IGF2R: variants seen among roughly 807,000 people sequenced by gnomAD.
The protein encoded by IGF2R is cation-independent mannose-6-phosphate receptor.
In IGF2R, 91 loss-of-function variants were observed where a neutral mutation model predicts 270.6. The observed-to-expected ratio is 0.34, with a 90% CI of 0.28 to 0.40. The LOEUF (loss-of-function observed/expected upper bound fraction) is 0.40. Among genes scored for constraint, IGF2R ranks in the 10% least tolerant of loss-of-function variants. The probability of loss-of-function intolerance (pLI) is 1.00; values close to 1 mark genes in which losing one functional copy is unlikely to be tolerated. For missense variants in IGF2R, 2,805 were observed against 3,188.3 expected (o/e 0.88, Z 2.90); for synonymous variants, 1,316 against 1,258.9 (o/e 1.05, Z -0.96).
intron 1 of IGF2R, among the ~76,000 whole-genome samples, chr6:159,987,168 T>G (rs1783900663): frequency 6.6e-6 from 1 of 152,218 alleles, no homozygotes; most frequent in Non-Finnish European, 1.5e-5. Flanking sequence ...TTCAAACATG[T>G]GATTTCTTAA....
At chr6:160,007,962 A>G (rs1784271177) in intron 2 of IGF2R, among the ~76,000 whole-genome samples, 1 of 152,210 alleles carries the variant, frequency 6.6e-6, no homozygotes, top group South Asian at 2.1e-4. Context: ...TCTTTAATCC[A>G]TTTAGACAGG....
intron 19 of IGF2R, among the ~76,000 whole-genome samples, chr6:160,055,192 G>A (rs1778285429): frequency 6.6e-6 from 1 of 152,140 alleles, no homozygotes; most frequent in South Asian, 2.1e-4. Flanking sequence ...ACGGGGAGAT[G>A]CCTAGGTTGC....
At chr6:160,025,415 TTTTAGTGTTCTTC>T (rs1445307210) in intron 5 of IGF2R, among the ~76,000 whole-genome samples, 2 of 152,190 alleles carry the variant, frequency 1.3e-5, no homozygotes, top group African/African-American at 4.8e-5. Flanking sequence ...TAAAGGTCAT[TTTTAGTGTTCTTC>T]TTTGTTTTTT....
chr6:159,992,443 A>G (rs1307489458), intron 2 of IGF2R, among the ~76,000 whole-genome samples: 2 of 152,046 alleles, frequency 1.3e-5, no homozygotes, highest in African/African-American at 4.8e-5. Context: ...TTTAGTTTCT[A>G]CTTATAAGTG....
Position 160,044,383 on chromosome 6 carries a change from C to T in IGF2R, c.1622-131C>T, listed in dbSNP as rs530951907. ...GTGGGTTCAGGGGGCTGGAGAAGGG[C>T]TGCACGTGCTGGGTTTGGGCTGATT... On this transcript the variant is annotated intron_variant, in intron 12 of 47. Transcript: ENST00000356956. 4 of 820,582 alleles carry T rather than the reference C, an allele frequency of 4.9e-6. No individual in the cohort carries two copies. The East Asian group carries it at 8.0e-5, about 16-fold the overall frequency. The allele number at this position is 820,582 out of a possible 1,614,324, so 50.8% of individuals were successfully genotyped here.
At position 160,058,925 on chromosome 6, in the gene IGF2R, T is replaced by C. The variant is rs747467060; in HGVS notation, c.2918T>C (p.Met973Thr). The C allele has an allele frequency of 6.2e-7, 1 of 1,614,040 alleles. No individual in the cohort carries two copies. Among genetic ancestry groups the C allele is most frequent in the African/African-American group, 1.3e-5 (1 of 74,934 alleles). ...CTGCAGTTTAATGTCTGCGGCACAA[T>C]GCCTGTCTGTGGGACCATCCTGGGA... is the stretch of plus-strand genomic sequence containing the variant. ...KIFMFNVCGT[M>T]PVCGTILGKP... The change falls in exon 22 of 48, where the codon ATG (methionine) becomes ACG (threonine). Residue 973 changes from methionine (M) to threonine (T), a missense_variant. Coordinates refer to ENST00000356956, the MANE Select transcript of IGF2R (RefSeq NM_000876.4).
intron 30 of IGF2R, 48 bp downstream of exon 30, chr6:160,068,433 C>T (rs1179370848): frequency 6.3e-7 from 1 of 1,582,654 alleles, no homozygotes; most frequent in East Asian, 2.3e-5. Flanking sequence ...GAGTGTATCA[C>T]AGGCCAGCAC....
In IGF2R at chr6:160,063,586, C is replaced by T; in HGVS notation, c.3842C>T (p.Ser1281Leu). The T allele has an allele frequency of 6.2e-7, 1 of 1,614,236 alleles. No homozygotes were observed. Among genetic ancestry groups the T allele is most frequent in the Non-Finnish European group, 8.5e-7 (1 of 1,180,048 alleles). The part of the protein sequence containing the change: ...PTSDKSKVVS[S>L]CQEKREPQGF... ...AGTGACAAGTCCAAGGTGGTCTCCT[C>T]ATGTCAGGAAAAGCGGGAACCGCAG... The change falls in exon 27 of 48, where the codon TCA becomes TTA. Residue 1281 changes from serine to leucine, a missense_variant. Transcript: ENST00000356956.
chr6:160,045,613 T>C, intron 13 of IGF2R, 132 bp from the exon 14 acceptor site: 1 of 1,082,376 alleles, frequency 9.2e-7, no homozygotes, highest in Non-Finnish European at 1.4e-6. Flanking sequence ...TAGGGCTGTT[T>C]TTTGACCCTT....
intron 31 of IGF2R, among the ~76,000 whole-genome samples, chr6:160,071,525 T>C (rs369847122): frequency 1.9e-4 from 29 of 152,336 alleles, no homozygotes; most frequent in African/African-American, 6.7e-4. Flanking sequence ...GTTTTGACTG[T>C]GATAATGGAT....
At chr6:159,979,434 C>T (rs891396064) in intron 1 of IGF2R, among the ~76,000 whole-genome samples, 11 of 152,180 alleles carry the variant, frequency 7.2e-5, no homozygotes, top group Non-Finnish European at 1.2e-4. Flanking sequence ...GCTCTCTGCT[C>T]TCGAAGCGTC....
At position 160,034,517 on chromosome 6, in the gene IGF2R, C is replaced by A. The variant is rs781523760; in HGVS notation, c.1310C>A (p.Thr437Asn). 1 of 1,604,434 alleles carries A rather than the reference C, an allele frequency of 6.2e-7. No individual in the cohort carries two copies. Among genetic ancestry groups the A allele is most frequent in the Admixed American group, 1.7e-5 (1 of 59,974 alleles). The change falls in exon 10 of 48, where the codon ACC becomes AAC. Residue 437 changes from threonine (T) to asparagine (N), a missense_variant. Around this residue, in one of 2 missense-constraint regions of IGF2R, gnomAD observed 954 missense variants for 981.1 expected, o/e 0.97. Coordinates refer to ENST00000356956, the MANE Select transcript of IGF2R (RefSeq NM_000876.4). ...MSVINFECNK[T>N]AGNDGKGTPV... Reference sequence around the variant, plus strand: ...GTCATAAACTTTGAGTGCAATAAAACCGCAGGTAAGTGTGCGCTGGAGTTC... The same window carrying A: ...GTCATAAACTTTGAGTGCAATAAAAACGCAGGTAAGTGTGCGCTGGAGTTC...
rs11552587 is a variant in IGF2R, at chr6:160,073,896, A to G, written c.5087A>G (p.Gln1696Arg). 9.9e-4 allele frequency: 1,602 copies of G among 1,614,212 alleles called. 11 individuals are homozygous for G. The African/African-American group carries it at 0.013, about 13-fold the overall frequency. The change falls in exon 35 of 48, where the codon CAG (glutamine) becomes CGG (arginine). Residue 1696 changes from glutamine (Q) to arginine (R), a missense_variant. By Grantham distance (43) the Gln-to-Arg change is conservative. Transcript: ENST00000356956. ...TNPDFYINIC[Q>R]PLNPMHGVPC... Reference sequence around the variant, plus strand: ...CCTGATTTCTACATCAATATTTGTCAGCCACTAAATCCCATGCACGGAGTG... The same window carrying G: ...CCTGATTTCTACATCAATATTTGTCGGCCACTAAATCCCATGCACGGAGTG...
intron 1 of IGF2R, among the ~76,000 whole-genome samples, chr6:159,982,524 T>C (rs3798202): frequency 1.3e-5 from 2 of 152,122 alleles, no homozygotes; most frequent in Non-Finnish European, 1.5e-5. Flanking sequence ...TATCTTGTTA[T>C]GTGAATTTCA....
chr6:160,059,981 T>C (rs8191836), intron 22 of IGF2R, among the ~76,000 whole-genome samples: 1,691 of 152,384 alleles, frequency 0.011, 35 homozygotes, highest in African/African-American at 0.039. Flanking sequence ...TTTAAATATT[T>C]TCTGGAAGAG....
At chr6:160,062,710 C>G (rs572607859) in intron 26 of IGF2R, 91 bp downstream of exon 26, 2 of 879,788 alleles carry the variant, frequency 2.3e-6, no homozygotes, top group African/African-American at 3.4e-5. Flanking sequence ...CGTGTGATAA[C>G]AGCCATAGCT....
intron 4 of IGF2R, among the ~76,000 whole-genome samples, chr6:160,013,851 G>T (rs1380818433): frequency 6.6e-6 from 1 of 151,824 alleles, no homozygotes; most frequent in Non-Finnish European, 1.5e-5. Context: ...CCTTTTTTCT[G>T]CTTTCAGTTT....
chr6:160,009,159 T>A, intron 3 of IGF2R, 25 bp downstream of exon 3: 1 of 1,587,708 alleles, frequency 6.3e-7, no homozygotes, highest in Non-Finnish European at 8.6e-7. Context: ...GCACTTGATG[T>A]ATTTCTTTAA....
Position 160,079,804 on chromosome 6 carries a change from A to G in IGF2R, c.5686+17A>G, listed in dbSNP as rs1444907791. 6.9e-7 allele frequency: 1 copy of G among 1,445,376 alleles called. No individual in the cohort carries two copies. Among genetic ancestry groups the G allele is most frequent in the Non-Finnish European group, 9.2e-7 (1 of 1,092,232 alleles). 89.5% of individuals were successfully genotyped at this position (1,445,376 alleles called of 1,614,324 possible). A position where few individuals can be genotyped will look rare whatever the true frequency, so the allele number is the denominator to read the frequency against. On this transcript the variant is annotated intron_variant, in intron 38 of 47. Coordinates refer to ENST00000356956, the MANE Select transcript of IGF2R (RefSeq NM_000876.4). ...GCCCTCCAGGTAAATATTTGCAATG[A>G]GGTAAATAAACTTCAAGCTCATAGT...
Sources: allele counts gnomAD v4.1 joint callset (sites outside exome capture counted in the v4.1 genomes callset), GRCh38; gene constraint gnomAD v4.1.1; regional missense constraint gnomAD v4.1.1; transcripts MANE v1.5; gene names NCBI Gene and HGNC (gene_info 2026-07-23, HGNC 2026-07-21).